The following XRRA1 variants were observed in gnomAD, a reference collection of about 807,000 sequenced individuals.
The protein encoded by XRRA1 is X-ray radiation resistance associated 1, also known as X-ray radiation resistance-associated protein 1.
A neutral mutation model predicts 80.2 loss-of-function variants in XRRA1; 69 were observed. The observed-to-expected ratio is 0.86, with a 90% CI of 0.71 to 1.05. The LOEUF is 1.05. XRRA1 is among the 50% of genes least tolerant of loss of function. The pLI, the probability that XRRA1 is intolerant of heterozygous loss-of-function variation, is 0.00. For missense variants in XRRA1, 967 were observed against 976.4 expected, an observed-to-expected ratio of 0.99 and a Z score of 0.13; for synonymous variants, 348 against 389.9, an observed-to-expected ratio of 0.89 and a Z score of 1.27.
chr11:74,915,028 C>T (rs918539167), intron 8 of XRRA1, among the ~76,000 whole-genome samples: 1 of 152,198 alleles, frequency 6.6e-6, no homozygotes, highest in African/African-American at 2.4e-5. Flanking sequence ...TTACAAATGA[C>T]TTAGCATGAT....
chr11:74,930,323 G>A lies in XRRA1; in HGVS notation c.401C>T (p.Ala134Val). 6.4e-7 allele frequency: 1 copy of A among 1,571,796 alleles called. No individual in the cohort carries two copies. Among genetic ancestry groups the A allele is most frequent in the Non-Finnish European group, 8.6e-7 (1 of 1,157,046 alleles). Reference protein sequence around the residue: ...KHFHSVIYINASENLLPLEAF... With the variant: ...KHFHSVIYINVSENLLPLEAF... ...ACCTAGAGGCAGCAGGTTTTCTGAG[G>A]CATTGATATAAATCACAGAATGAAA... Residue 134 changes from alanine to valine, a missense_variant, in exon 6 of 19, where the codon GCC (alanine) becomes GTC (valine). Physicochemically the swap from Ala to Val is moderately conservative, Grantham distance 64. Coordinates refer to ENST00000684022, the MANE Select transcript of XRRA1 (RefSeq NM_001378157.1).
At chr11:74,924,000 A>G (rs371945211) in intron 7 of XRRA1, among the ~76,000 whole-genome samples, 6 of 151,214 alleles carry the variant, frequency 4.0e-5, no homozygotes, top group African/African-American at 1.5e-4. Flanking sequence ...GGCACGCACC[A>G]CCATGCTAAT....
Position 74,871,637 on chromosome 11 carries a change from G to A in XRRA1, c.1004-8616C>T, listed in dbSNP as rs117883432. Among the ~76,000 whole-genome samples, 1,509 of 151,870 alleles carry A rather than the reference G, an allele frequency of 9.9e-3. 14 individuals carry two copies. The highest frequency in any genetic ancestry group is 0.021 in the Middle Eastern group (6 of 292). Reference sequence around the variant, plus strand: ...GGCTCTTCCTGTCCCCCTTATTTAGGGCCCCCTCCAACTGTGCCATCAGCT... The same window carrying A: ...GGCTCTTCCTGTCCCCCTTATTTAGAGCCCCCTCCAACTGTGCCATCAGCT... On this transcript the variant is annotated intron_variant, in intron 10 of 18. Transcript: ENST00000684022.
At position 74,945,802 on chromosome 11, in the gene XRRA1, T is replaced by TCA. The variant is rs149455628; in HGVS notation, c.-72-719_-72-718dup. ...ACAAACATCTCTCTTTCTCTCTCTC[T>TCA]CACACACACACACACAGAGTAAGGC... On this transcript the variant is annotated intron_variant, in intron 1 of 18. Transcript: ENST00000684022. Among the ~76,000 whole-genome samples the TCA allele has an allele frequency of 6.4e-3, 972 of 150,850 alleles. 8 individuals are homozygous for TCA. The highest frequency in any genetic ancestry group is 0.02 in the African/African-American group (842 of 41,168).
intron 10 of XRRA1, among the ~76,000 whole-genome samples, chr11:74,893,084 C>A (rs1056077187): frequency 6.6e-6 from 1 of 152,200 alleles, no homozygotes; most frequent in African/African-American, 2.4e-5. Flanking sequence ...ATAAGTCATG[C>A]TGCTGTAAAG....
intron 8 of XRRA1, among the ~76,000 whole-genome samples, chr11:74,917,159 A>C (rs1184588960): frequency 6.6e-6 from 1 of 152,254 alleles, no homozygotes; most frequent in Non-Finnish European, 1.5e-5. Flanking sequence ...AGTAGCAATC[A>C]GTGATCACAG....
chr11:74,930,798 T>C (rs866931769), intron 5 of XRRA1, among the ~76,000 whole-genome samples: 1 of 152,174 alleles, frequency 6.6e-6, no homozygotes, highest in Non-Finnish European at 1.5e-5. Flanking sequence ...TCAATAGTTT[T>C]TGTGTGTTTG....
chr11:74,938,560 G>A (rs1722906261), intron 3 of XRRA1, among the ~76,000 whole-genome samples: 1 of 152,198 alleles, frequency 6.6e-6, no homozygotes, highest in Admixed American at 6.5e-5. Flanking sequence ...CTTTGCTAAA[G>A]CTATAATATG....
intron 10 of XRRA1, among the ~76,000 whole-genome samples, chr11:74,869,132 T>A (rs1214159210): frequency 3.3e-5 from 5 of 151,462 alleles, no homozygotes; most frequent in South Asian, 2.1e-4. Context: ...TAAAAAAAAA[T>A]GAAATCATAC....
chr11:74,907,077 C>T, intron 9 of XRRA1, 68 bp downstream of exon 9: 1 of 1,597,132 alleles, frequency 6.3e-7, no homozygotes, highest in Non-Finnish European at 8.5e-7. Flanking sequence ...GCTTCCAGAA[C>T]AGCACTCAGA....
intron 10 of XRRA1, among the ~76,000 whole-genome samples, chr11:74,868,990 A>G (rs575300120): frequency 2.0e-5 from 3 of 152,296 alleles, no homozygotes; most frequent in African/African-American, 7.2e-5. Flanking sequence ...ATACTTGACC[A>G]TATGGACCCA....
chr11:74,896,381 G>GC (rs1168587993), intron 10 of XRRA1, among the ~76,000 whole-genome samples: 1 of 152,200 alleles, frequency 6.6e-6, no homozygotes, highest in African/African-American at 2.4e-5. Flanking sequence ...ATTGTCAGTG[G>GC]CCTGGCAGAA....
At chr11:74,925,844 A>G (rs2139177791) in intron 7 of XRRA1, among the ~76,000 whole-genome samples, 1 of 152,306 alleles carries the variant, frequency 6.6e-6, no homozygotes, top group South Asian at 2.1e-4. Context: ...TGCATGGTAC[A>G]ACGCACAACA....
Position 74,853,416 on chromosome 11 carries a change from A to G in XRRA1, c.1171-1334T>C, listed in dbSNP as rs2040371103. On this transcript the variant is annotated intron_variant, in intron 12 of 18. Transcript: ENST00000684022. ...TGGTCACATGACCCAGTTCCAGCCA[A>G]CGCAACTTGGGCAGAAGTGGTAAAT... is the stretch of plus-strand genomic sequence containing the variant. Among the ~76,000 whole-genome samples, 3 of 152,218 alleles carry G rather than the reference A, an allele frequency of 2.0e-5. No homozygotes were observed. In the South Asian group the frequency reaches 6.2e-4, roughly 32 times the overall value.
chr11:74,930,722 CT>C (rs1423086736), intron 5 of XRRA1, among the ~76,000 whole-genome samples: 3 of 152,206 alleles, frequency 2.0e-5, no homozygotes, highest in Admixed American at 1.3e-4. Context: ...ATTACCACCC[CT>C]GTCCATGTAT....
intron 10 of XRRA1, among the ~76,000 whole-genome samples, chr11:74,885,299 GT>G (rs1427400192): frequency 6.6e-6 from 1 of 151,934 alleles, no homozygotes; most frequent in Non-Finnish European, 1.5e-5. Flanking sequence ...TACAGGAGTT[GT>G]TTTTTTGAAA....
At chr11:74,927,540 A>C (rs2139258460) in intron 6 of XRRA1, 52 bp from the exon 7 acceptor site, 1 of 1,238,128 alleles carries the variant, frequency 8.1e-7, no homozygotes, top group Non-Finnish European at 1.2e-6. Flanking sequence ...GACTTAAGAG[A>C]AAGATATTAA....
At chr11:74,887,302 A>C (rs2049276358) in intron 10 of XRRA1, among the ~76,000 whole-genome samples, 1 of 152,208 alleles carries the variant, frequency 6.6e-6, no homozygotes, top group African/African-American at 2.4e-5. Flanking sequence ...AATCAGAGAA[A>C]ATATTTTCAA....
chr11:74,871,557 A>C (rs1310503667), intron 10 of XRRA1, among the ~76,000 whole-genome samples: 2 of 152,200 alleles, frequency 1.3e-5, no homozygotes, highest in Non-Finnish European at 2.9e-5. Context: ...GCAATCCAAA[A>C]GGTAATGATT....
Sources: allele counts gnomAD v4.1 joint callset (sites outside exome capture counted in the v4.1 genomes callset), GRCh38; gene constraint gnomAD v4.1.1; transcripts MANE v1.5; gene names NCBI Gene and HGNC (gene_info 2026-07-23, HGNC 2026-07-21).